The following PKIB variants were observed in gnomAD, a reference collection of about 807,000 sequenced individuals.
PKIB encodes PKI-beta.
In PKIB, 2 loss-of-function variants were observed where a neutral mutation model predicts 4.5. The observed-to-expected ratio is 0.44, with a 90% CI of 0.18 to 1.39. PKIB has a LOEUF of 1.39. PKIB is among the 40% of genes most tolerant of loss of function. The pLI is 0.27. For synonymous variants in PKIB, 38 were observed against 36.0 expected (o/e 1.06, Z -0.20); for missense variants, 94 against 92.6 (o/e 1.02, Z -0.06).
intron 2 of PKIB, among the ~76,000 whole-genome samples, chr6:122,488,518 C>T (rs1175569412): frequency 2.6e-5 from 4 of 151,998 alleles, no homozygotes. Context: ...GCAGCCACTC[C>T]CTCCCTGGAC....
chr6:122,493,808 T>G (rs1776002375), intron 2 of PKIB, among the ~76,000 whole-genome samples: 1 of 152,194 alleles, frequency 6.6e-6, no homozygotes, highest in African/African-American at 2.4e-5. Flanking sequence ...AACCTTGGTC[T>G]TCCTCTCTGT....
At chr6:122,676,168 A>T (rs181863419) in intron 3 of PKIB, among the ~76,000 whole-genome samples, 26 of 151,842 alleles carry the variant, frequency 1.7e-4, no homozygotes, top group Non-Finnish European at 3.1e-4. Flanking sequence ...GTGATGGGAA[A>T]CAGTGACAGA....
intron 2 of PKIB, among the ~76,000 whole-genome samples, chr6:122,660,405 T>C (rs12209247): frequency 0.059 from 8,922 of 152,230 alleles, 383 homozygotes; most frequent in Non-Finnish European, 0.095. Context: ...ATGAAAGAGT[T>C]AAACGTATTC....
Position 122,576,710 on chromosome 6 carries a change from A to ATATATT in PKIB, c.-247-9210_-247-9209insATATTT, listed in dbSNP as rs59569106. Among the ~76,000 whole-genome samples, 420 of 109,772 alleles carry ATATATT rather than the reference A, an allele frequency of 3.8e-3. 6 individuals are homozygous for ATATATT. The highest frequency in any genetic ancestry group is 0.023 in the East Asian group (72 of 3,106). The allele number at this position is 109,772 out of a possible 152,430, so 72.0% of individuals were successfully genotyped here. ...AAAAAATATATATATATATATATAT[A>ATATATT]TTTTCTTTTGTATAATTATACCTCA... On this transcript the variant is annotated intron_variant, in intron 2 of 6. Coordinates refer to the PKIB transcript ENST00000392491.
intron 2 of PKIB, among the ~76,000 whole-genome samples, chr6:122,580,191 A>G (rs1315011477): frequency 1.3e-5 from 2 of 150,826 alleles, no homozygotes; most frequent in East Asian, 2.0e-4. Flanking sequence ...GTCAAATTCA[A>G]ACATATTTGC....
At position 122,702,212 on chromosome 6, in the gene PKIB, GA is replaced by G. The variant is rs1434950184; in HGVS notation, c.-8-15574del. ...ATGTAATCCGAACAAAAGTCATGCT[GA>G]GAATATAAGGCTACCAATCTGGTAT... On this transcript the variant is annotated intron_variant, in intron 3 of 4. Coordinates refer to ENST00000368452, the MANE Select transcript of PKIB (RefSeq NM_181795.3). 1.6e-3 allele frequency among the ~76,000 whole-genome samples: 250 copies of G among 152,024 alleles called. 2 individuals carry two copies. The highest frequency in any genetic ancestry group is 5.7e-3 in the African/African-American group (238 of 41,462).
intron 3 of PKIB, among the ~76,000 whole-genome samples, chr6:122,695,552 G>A (rs1237775455): frequency 1.3e-5 from 2 of 152,084 alleles, no homozygotes; most frequent in Non-Finnish European, 1.5e-5. Context: ...AAACACTATG[G>A]TGAATATGCG....
chr6:122,713,206 G>A (rs1361942195), intron 3 of PKIB, among the ~76,000 whole-genome samples: 1 of 152,052 alleles, frequency 6.6e-6, no homozygotes, highest in Non-Finnish European at 1.5e-5. Context: ...CCTTGCTGTG[G>A]GATTGCAAGG....
chr6:122,523,785 G>GA (rs764182434), intron 2 of PKIB, among the ~76,000 whole-genome samples: 98 of 138,782 alleles, frequency 7.1e-4, no homozygotes, highest in African/African-American at 7.4e-4. Context: ...TCGGTATCAA[G>GA]AAAAAAAAAA....
chr6:122,597,279 G>A (rs1774208646), intron 3 of PKIB, among the ~76,000 whole-genome samples: 1 of 152,196 alleles, frequency 6.6e-6, no homozygotes, highest in African/African-American at 2.4e-5. Flanking sequence ...ATAAGATTAT[G>A]ACATAAAGCT....
At position 122,653,715 on chromosome 6, in the gene PKIB, C is replaced by T. The variant is rs553441201; in HGVS notation, c.-76+20348C>T. ...GTGGCTCCCGCCTGTAATCCCAGCACTTTGGGAGGTCGAGGCGGGCGGATC... is the reference window on the plus strand; with the variant it reads ...GTGGCTCCCGCCTGTAATCCCAGCATTTTGGGAGGTCGAGGCGGGCGGATC... On this transcript the variant is annotated intron_variant, in intron 2 of 4. Transcript: ENST00000368452. 2.2e-4 allele frequency among the ~76,000 whole-genome samples: 33 copies of T among 151,926 alleles called. 1 individual carries two copies. The South Asian group carries it at 6.7e-3, about 31-fold the overall frequency.
chr6:122,580,144 T>C (rs1483404772), intron 2 of PKIB, among the ~76,000 whole-genome samples: 3 of 152,206 alleles, frequency 2.0e-5, no homozygotes, highest in Non-Finnish European at 4.4e-5. Context: ...TTTGTTTTTC[T>C]ATCTTCAAAA....
Position 122,702,918 on chromosome 6 carries a change from A to AT in PKIB, c.-8-14868dup, listed in dbSNP as rs538689224. Among the ~76,000 whole-genome samples, 945 of 152,324 alleles carry AT rather than the reference A, an allele frequency of 6.2e-3. 9 individuals carry two copies. Among genetic ancestry groups the AT allele is most frequent in the African/African-American group, 0.021 (888 of 41,570 alleles). On this transcript the variant is annotated intron_variant, in intron 3 of 4. Coordinates refer to ENST00000368452, the MANE Select transcript of PKIB (RefSeq NM_181795.3). ...TTAAAATAGTTAATATTTATATGCCATAACATGAAGCATGATGTCGTGTAC... is the reference window on the plus strand; with the variant it reads ...TTAAAATAGTTAATATTTATATGCCATTAACATGAAGCATGATGTCGTGTAC...
chr6:122,475,865 T>G lies in PKIB; in HGVS notation c.-336-1986T>G, dbSNP rs185281750. Among the ~76,000 whole-genome samples the G allele has an allele frequency of 1.2e-4, 18 of 152,302 alleles. 1 individual carries two copies. The highest frequency in any genetic ancestry group is 3.3e-4 in the Admixed American group (5 of 15,288). Reference sequence around the variant, plus strand: ...TGTATATCACATTAAAAATTCCCAGTGTAACCTAGAATCAGTGTGTCTCCA... The same window carrying G: ...TGTATATCACATTAAAAATTCCCAGGGTAACCTAGAATCAGTGTGTCTCCA... On this transcript the variant is annotated intron_variant, in intron 1 of 6. Transcript: ENST00000392491.
chr6:122,677,304 G>GGAACTT (rs1254699329), intron 3 of PKIB, among the ~76,000 whole-genome samples: 10 of 152,150 alleles, frequency 6.6e-5, no homozygotes, highest in African/African-American at 2.4e-4. Context: ...GCAAGGCCTT[G>GGAACTT]GAACTTGTTT....
chr6:122,582,894 G>C (rs1397391027), intron 2 of PKIB, among the ~76,000 whole-genome samples: 1 of 151,836 alleles, frequency 6.6e-6, no homozygotes, highest in Non-Finnish European at 1.5e-5. Flanking sequence ...ACTAGAATAT[G>C]GTCACATTAT....
chr6:122,521,507 T>G, intron 2 of PKIB, among the ~76,000 whole-genome samples: 1 of 151,872 alleles, frequency 6.6e-6, no homozygotes, highest in East Asian at 1.9e-4. Flanking sequence ...GGTGAAACGC[T>G]GTCTTTACTA....
intron 1 of PKIB, among the ~76,000 whole-genome samples, chr6:122,621,007 T>C (rs149234903): frequency 2.2e-4 from 33 of 152,254 alleles, no homozygotes; most frequent in Non-Finnish European, 8.8e-5. Context: ...TTTCTTGTTA[T>C]TATGATTATA....
intron 2 of PKIB, among the ~76,000 whole-genome samples, chr6:122,523,980 C>T (rs1002490377): frequency 6.6e-6 from 1 of 152,148 alleles, no homozygotes; most frequent in Admixed American, 6.5e-5. Flanking sequence ...TGAAAATTGA[C>T]CAGTACAGTG....
Sources: allele counts gnomAD v4.1 joint callset (sites outside exome capture counted in the v4.1 genomes callset), GRCh38; gene constraint gnomAD v4.1.1; transcripts MANE v1.5; gene names NCBI Gene and HGNC (gene_info 2026-07-23, HGNC 2026-07-21).